USP31: variants seen among roughly 807,000 people sequenced by gnomAD.
The protein encoded by USP31 is ubiquitin carboxyl-terminal hydrolase 31.
Under a neutral mutation model 119.4 loss-of-function variants are expected in USP31, and 44 were observed. The observed-to-expected ratio is 0.37, with a 90% CI of 0.29 to 0.47. USP31 has a LOEUF of 0.47. Among genes scored for constraint, USP31 ranks in the 20% least tolerant of loss-of-function variants. USP31 has a pLI of 0.99. For missense variants in USP31, 1,643 were observed against 1,730.2 expected (o/e 0.95, Z 0.89); for synonymous variants, 749 against 705.6 (o/e 1.06, Z -0.97).
At chr16:23,103,922 C>T (rs1567236987) in intron 5 of USP31, among the ~76,000 whole-genome samples, 1 of 152,064 alleles carries the variant, frequency 6.6e-6, no homozygotes, top group Non-Finnish European at 1.5e-5. Flanking sequence ...CTCAATCAAT[C>T]CATACATACA....
intron 1 of USP31, among the ~76,000 whole-genome samples, chr16:23,137,849 T>C (rs1903240565): frequency 6.6e-6 from 1 of 151,750 alleles, no homozygotes; most frequent in Non-Finnish European, 1.5e-5. Flanking sequence ...ACAGAATAAG[T>C]AAATTATCAC....
chr16:23,104,301 G>A (rs1469575803), intron 5 of USP31, among the ~76,000 whole-genome samples: 2 of 152,176 alleles, frequency 1.3e-5, no homozygotes, highest in Non-Finnish European at 2.9e-5. Context: ...TTCTGCCGGT[G>A]AACAAGCAAG....
chr16:23,114,409 C>T (rs1285587320), intron 1 of USP31, among the ~76,000 whole-genome samples: 4 of 150,452 alleles, frequency 2.7e-5, no homozygotes, highest in African/African-American at 9.8e-5. Flanking sequence ...AGCTTCTGTC[C>T]TGAATCCTCT....
At chr16:23,071,946 A>T in intron 15 of USP31, 99 bp downstream of exon 15, 5 of 1,489,580 alleles carry the variant, frequency 3.4e-6, no homozygotes, top group Non-Finnish European at 4.5e-6. Flanking sequence ...GGGTTCTCCT[A>T]CCATCTCCTT....
At chr16:23,086,472 CAGAGT>C (rs2141847413) in intron 9 of USP31, among the ~76,000 whole-genome samples, 1 of 151,934 alleles carries the variant, frequency 6.6e-6, no homozygotes, top group South Asian at 2.1e-4. Context: ...ACAGAGGTAG[CAGAGT>C]AGAGTGACTA....
chr16:23,103,205 CTCATGTCAAGGACAGAGTCCACA>C (rs1343674797), intron 5 of USP31, among the ~76,000 whole-genome samples: 1 of 152,092 alleles, frequency 6.6e-6, no homozygotes, highest in East Asian at 1.9e-4. Flanking sequence ...ACGATTCAGC[CTCATGTCAAGGACAGAGTCCACA>C]TCTGACTCTG....
intron 6 of USP31, among the ~76,000 whole-genome samples, chr16:23,096,282 TAAG>T (rs1251156510): frequency 2.6e-5 from 4 of 152,090 alleles, no homozygotes; most frequent in Non-Finnish European, 5.9e-5. Context: ...TCAAATTCAA[TAAG>T]AAGAGCTAAC....
chr16:23,125,608 G>C (rs757295675), intron 1 of USP31, among the ~76,000 whole-genome samples: 30 of 152,108 alleles, frequency 2.0e-4, no homozygotes, highest in Non-Finnish European at 3.1e-4. Context: ...TATTTTCCAC[G>C]AGCTGTTGCT....
At chr16:23,106,360 G>C in intron 3 of USP31, 39 bp downstream of exon 3, 1 of 1,613,198 alleles carries the variant, frequency 6.2e-7, no homozygotes. Context: ...AACGATGTCA[G>C]GTAAACAAAA....
chr16:23,138,249 T>C (rs1903252128), intron 1 of USP31, among the ~76,000 whole-genome samples: 3 of 152,248 alleles, frequency 2.0e-5, no homozygotes, highest in South Asian at 4.1e-4. Flanking sequence ...GCCAAAACTC[T>C]ATCCTAAACT....
intron 10 of USP31, 135 bp from the exon 11 acceptor site, chr16:23,085,124 T>A: frequency 7.8e-7 from 1 of 1,288,498 alleles, no homozygotes; most frequent in Non-Finnish European, 1.1e-6. Flanking sequence ...AAAACAAAAG[T>A]AGTGACCCAA....
chr16:23,086,234 C>G (rs1312514739), intron 9 of USP31, among the ~76,000 whole-genome samples: 1 of 152,060 alleles, frequency 6.6e-6, no homozygotes, highest in Non-Finnish European at 1.5e-5. Flanking sequence ...TCTACTAACT[C>G]TCATCTCTAA....
At chr16:23,100,641 C>T (rs1901808799) in intron 6 of USP31, among the ~76,000 whole-genome samples, 1 of 152,058 alleles carries the variant, frequency 6.6e-6, no homozygotes, top group African/African-American at 2.4e-5. Context: ...GGTGTGGTGG[C>T]ATGCGCCTGT....
chr16:23,084,692 T>G (rs1324544823), intron 11 of USP31, among the ~76,000 whole-genome samples, 168 bp downstream of exon 11: 1 of 152,186 alleles, frequency 6.6e-6, no homozygotes, highest in East Asian at 1.9e-4. Flanking sequence ...AACTTCTTGT[T>G]AAAGTCCTAA....
At chr16:23,104,467 T>C (rs1902011318) in intron 5 of USP31, among the ~76,000 whole-genome samples, 1 of 152,226 alleles carries the variant, frequency 6.6e-6, no homozygotes, top group Admixed American at 6.5e-5. Flanking sequence ...TCCCTCCCTT[T>C]CTGCCTTTCC....
At chr16:23,071,169 G>A (rs1900327579) in intron 15 of USP31, among the ~76,000 whole-genome samples, 1 of 152,206 alleles carries the variant, frequency 6.6e-6, no homozygotes, top group Admixed American at 6.5e-5. Flanking sequence ...AGAGGTGGCA[G>A]AGCTAGAGCT....
At chr16:23,077,199 G>C (rs1900614296) in intron 13 of USP31, among the ~76,000 whole-genome samples, 2 of 152,204 alleles carry the variant, frequency 1.3e-5, no homozygotes, top group South Asian at 4.1e-4. Flanking sequence ...TCCTACAGCA[G>C]GCAGAGGCAA....
intron 6 of USP31, among the ~76,000 whole-genome samples, chr16:23,095,146 G>A (rs551811482): frequency 1.3e-5 from 2 of 152,138 alleles, no homozygotes; most frequent in African/African-American, 4.8e-5. Context: ...GAAGAGAAGA[G>A]CTTAAATGAC....
intron 1 of USP31, among the ~76,000 whole-genome samples, chr16:23,124,099 T>C (rs762684723): frequency 6.6e-6 from 1 of 150,916 alleles, no homozygotes; most frequent in Non-Finnish European, 1.5e-5. Flanking sequence ...TAGGGAGCAA[T>C]GAAAGGAAAT....
Sources: allele counts gnomAD v4.1 joint callset (sites outside exome capture counted in the v4.1 genomes callset), GRCh38; gene constraint gnomAD v4.1.1; transcripts MANE v1.5; gene names NCBI Gene and HGNC (gene_info 2026-07-23, HGNC 2026-07-21).